The following SARNP variants were observed in gnomAD, a reference collection of about 807,000 sequenced individuals.
SARNP encodes SAP domain-containing ribonucleoprotein.
SARNP carries 5 observed loss-of-function variants against 38.1 expected under a neutral mutation model. The observed-to-expected ratio is 0.13, with a 90% CI of 0.07 to 0.28. The LOEUF is 0.28. Ranked by LOEUF, SARNP falls within the 10% of genes least tolerant of loss-of-function variation. SARNP has a pLI of 1.00. For missense variants in SARNP, 180 were observed against 243.9 expected, an observed-to-expected ratio of 0.74 and a Z score of 1.75; for synonymous variants, 84 against 80.6, an observed-to-expected ratio of 1.04 and a Z score of -0.23.
rs534184430 is a variant in SARNP at position 55,780,489 on chromosome 12, GAGAAA to G, written c.501+8581_501+8585del. Among the ~76,000 whole-genome samples the G allele has an allele frequency of 1.2e-3, 188 of 151,150 alleles. 1 individual carries two copies. Among genetic ancestry groups the G allele is most frequent in the East Asian group, 9.5e-3 (49 of 5,154 alleles). ...AGAAAGAAAAGAGAAGAGAAGAGAAGAGAAAAGAAAAGAAAAGAAAAGAAAGAAAG... is the reference window on the plus strand; with the variant it reads ...AGAAAGAAAAGAGAAGAGAAGAGAAGAGAAAAGAAAAGAAAAGAAAGAAAG... On this transcript the variant is annotated intron_variant, in intron 9 of 10. Transcript: ENST00000336133.
downstream of SARNP, chr12:55,755,327 G>C (rs1878472833): frequency 6.6e-6 from 1 of 151,944 alleles, no homozygotes; most frequent in Non-Finnish European, 1.5e-5. Context: ...AGGTGGGGTG[G>C]GGGGCTGGGC....
chr12:55,790,035 G>A (rs903030117), intron 8 of SARNP, among the ~76,000 whole-genome samples: 1 of 151,046 alleles, frequency 6.6e-6, no homozygotes, highest in Non-Finnish European at 1.5e-5. Flanking sequence ...CCCTAAAGCA[G>A]GATTTCATAA....
At chr12:55,796,797 G>A (rs1368195109) in intron 4 of SARNP, among the ~76,000 whole-genome samples, 1 of 152,114 alleles carries the variant, frequency 6.6e-6, no homozygotes, top group African/African-American at 2.4e-5. Flanking sequence ...TACTCTACAA[G>A]GTCTGGTTTC....
At chr12:55,814,008 C>A (rs1880409823) in intron 1 of SARNP, among the ~76,000 whole-genome samples, 1 of 152,160 alleles carries the variant, frequency 6.6e-6, no homozygotes. Context: ...TAAATGGCTT[C>A]AAACAGTGCT....
At position 55,796,008 on chromosome 12, in the gene SARNP, G is replaced by A. The variant is rs1226039217; in HGVS notation, c.303+17C>T. The A allele has an allele frequency of 2.6e-6, 4 of 1,553,266 alleles. No individual in the cohort carries two copies. Among genetic ancestry groups the A allele is most frequent in the Admixed American group, 3.3e-5 (2 of 59,830 alleles). On this transcript the variant is annotated intron_variant, in intron 5 of 10. Transcript: ENST00000336133. ...GAGAAATGTAGAGACTGTTCTACTAGGGAGCAGAATACCTACCTCAGTCTG... is the reference window on the plus strand; with the variant it reads ...GAGAAATGTAGAGACTGTTCTACTAAGGAGCAGAATACCTACCTCAGTCTG...
chr12:55,769,491 T>C (rs867502288), intron 9 of SARNP, among the ~76,000 whole-genome samples: 11 of 152,360 alleles, frequency 7.2e-5, no homozygotes, highest in African/African-American at 2.6e-4. Flanking sequence ...AAAAGAGTTA[T>C]GCTTTTCTTG....
rs80079091 is a variant in SARNP at position 55,786,012 on chromosome 12, A to T, written c.501+3063T>A. ...TAAGTCTTACAGATGAGGATCAAAG[A>T]AGTTCAGTAATTTGCTCAAAGTCAC... is the stretch of plus-strand genomic sequence containing the variant. On this transcript the variant is annotated intron_variant, in intron 9 of 10. Transcript: ENST00000336133. Among the ~76,000 whole-genome samples, 572 of 152,268 alleles carry T rather than the reference A, an allele frequency of 3.8e-3. 1 individual carries two copies. The highest frequency in any genetic ancestry group is 0.013 in the African/African-American group (543 of 41,552).
At chr12:55,789,767 A>C (rs1316326520) in intron 8 of SARNP, among the ~76,000 whole-genome samples, 2 of 151,936 alleles carry the variant, frequency 1.3e-5, no homozygotes, top group Non-Finnish European at 1.5e-5. Flanking sequence ...AACATGGTGA[A>C]ACCCCGTCTC....
rs181827310 is a variant in SARNP at position 55,812,282 on chromosome 12, C to T, written c.36+5384G>A. ...AGTCACTCTATTTAAAATTACAATACCCTTCCCATTGTACTCCCTATTCCT... is the reference window on the plus strand; with the variant it reads ...AGTCACTCTATTTAAAATTACAATATCCTTCCCATTGTACTCCCTATTCCT... On this transcript the variant is annotated intron_variant, in intron 1 of 10. Transcript: ENST00000336133. Among the ~76,000 whole-genome samples, 405 of 152,306 alleles carry T rather than the reference C, an allele frequency of 2.7e-3. 7 individuals are homozygous for T. Among genetic ancestry groups the T allele is most frequent in the Admixed American group, 0.024 (367 of 15,292 alleles).
chr12:55,768,792 C>T (rs904322320), intron 9 of SARNP, among the ~76,000 whole-genome samples: 1 of 152,140 alleles, frequency 6.6e-6, no homozygotes, highest in African/African-American at 2.4e-5. Flanking sequence ...GGCACGATCT[C>T]GGCTCACTGC....
chr12:55,816,906 T>C (rs1880505110), intron 1 of SARNP, among the ~76,000 whole-genome samples: 1 of 152,148 alleles, frequency 6.6e-6, no homozygotes, highest in South Asian at 2.1e-4. Context: ...CCACCCGAGA[T>C]ATGAAATGGA....
At chr12:55,816,099 T>C (rs1880475178) in intron 1 of SARNP, among the ~76,000 whole-genome samples, 1 of 152,180 alleles carries the variant, frequency 6.6e-6, no homozygotes, top group Non-Finnish European at 1.5e-5. Context: ...TATATAGACC[T>C]GACAAATACA....
intron 10 of SARNP, chr12:55,760,280 C>G (rs911510459): frequency 4.5e-6 from 2 of 448,660 alleles, no homozygotes; most frequent in Non-Finnish European, 7.8e-6. Flanking sequence ...TGCAGAGGAT[C>G]GCTTGAGCCC....
intron 7 of SARNP, among the ~76,000 whole-genome samples, chr12:55,790,962 G>A (rs1879650066): frequency 1.3e-5 from 2 of 152,166 alleles, no homozygotes; most frequent in South Asian, 4.1e-4. Flanking sequence ...ATCAACTGAT[G>A]ACTGGCTAAA....
chr12:55,799,277 A>G lies in SARNP; in HGVS notation c.251+1285T>C, dbSNP rs532167119. ...TATAATTAAATGCACTAACACAACTATGAGGAACAAAAATGTTCAAAGTTT... is the reference window on the plus strand; with the variant it reads ...TATAATTAAATGCACTAACACAACTGTGAGGAACAAAAATGTTCAAAGTTT... On this transcript the variant is annotated intron_variant, in intron 4 of 10. Coordinates refer to ENST00000336133, the MANE Select transcript of SARNP (RefSeq NM_033082.4). Among the ~76,000 whole-genome samples, 28 of 152,338 alleles carry G rather than the reference A, an allele frequency of 1.8e-4. No individual in the cohort carries two copies. In the South Asian group the frequency reaches 5.4e-3, roughly 29 times the overall value.
In SARNP at chr12:55,803,682, T is replaced by C; in HGVS notation, c.83A>G (p.Lys28Arg). The change falls in exon 2 of 11, where the codon AAG (lysine) becomes AGG (arginine). Residue 28 changes from lysine to arginine, a missense_variant. Around this residue, in one of 2 missense-constraint regions of SARNP, gnomAD observed 161 missense variants for 194.1 expected, o/e 0.83. Transcript: ENST00000336133. ...QECLARGLETKGIKQDLIHRL... is the reference protein window; with the variant it reads ...QECLARGLETRGIKQDLIHRL... ...GTGGATAAGATCTTGCTTTATTCCC[T>C]TGGTCTCCAAACCACGAGCAAGACA... 1 of 1,613,520 alleles carries C rather than the reference T, an allele frequency of 6.2e-7. No individual in the cohort carries two copies. Among genetic ancestry groups the C allele is most frequent in the South Asian group, 1.1e-5 (1 of 91,026 alleles).
intron 10 of SARNP, 182 bp downstream of exon 10, chr12:55,760,369 G>A: frequency 1.8e-6 from 1 of 547,368 alleles, no homozygotes; most frequent in Non-Finnish European, 3.2e-6. Context: ...AAGTAGGTGG[G>A]AAAACAGTGT....
At chr12:55,817,207 G>A (rs1485266864) in intron 1 of SARNP, among the ~76,000 whole-genome samples, 1 of 152,052 alleles carries the variant, frequency 6.6e-6, no homozygotes, top group East Asian at 1.9e-4. Flanking sequence ...TGAGTGTCTG[G>A]TACCTATTTA....
chr12:55,765,902 T>C (rs914618127), intron 9 of SARNP, among the ~76,000 whole-genome samples: 8 of 152,064 alleles, frequency 5.3e-5, no homozygotes, highest in Non-Finnish European at 1.2e-4. Flanking sequence ...TCTCTCTCAC[T>C]TGACCCTTCT....
Sources: gnomAD v4.1 joint callset for allele counts (sites outside exome capture counted in the v4.1 genomes callset) on GRCh38, gnomAD v4.1.1 for gene constraint, gnomAD v4.1.1 regional missense constraint, MANE v1.5 for transcripts, NCBI Gene and HGNC (gene_info 2026-07-23, HGNC 2026-07-21) for gene names.